The following CCNY variants were observed in gnomAD, a reference collection of about 807,000 sequenced individuals.
CCNY encodes the protein cyclin-Y.
CCNY carries 19 observed loss-of-function variants against 42.8 expected under a neutral mutation model. The observed-to-expected ratio is 0.44, with a 90% CI of 0.31 to 0.65. The LOEUF (loss-of-function observed/expected upper bound fraction) is 0.65, where lower values mean the gene tolerates loss of function less well. Among genes scored for constraint, CCNY ranks in the 30% least tolerant of loss-of-function variants. CCNY has a pLI of 0.07. For synonymous variants in CCNY, 165 were observed against 162.7 expected (o/e 1.01, Z -0.11); for missense variants, 370 against 437.3 (o/e 0.85, Z 1.37).
intron 1 of CCNY, among the ~76,000 whole-genome samples, chr10:35,359,715 C>T (rs1450467818): frequency 1.3e-5 from 2 of 152,192 alleles, no homozygotes; most frequent in Admixed American, 6.5e-5. Context: ...CACCATCCAT[C>T]TCCAGAACTA....
intron 3 of CCNY, among the ~76,000 whole-genome samples, chr10:35,296,722 C>T (rs1200638754): frequency 6.6e-6 from 1 of 152,128 alleles, no homozygotes. Context: ...GGATAAATTC[C>T]TGGACACATA....
intron 7 of CCNY, among the ~76,000 whole-genome samples, chr10:35,534,424 T>G (rs1356165843): frequency 6.6e-6 from 1 of 152,114 alleles, no homozygotes; most frequent in Non-Finnish European, 1.5e-5. Flanking sequence ...GTTCTGTCTG[T>G]AGAGCCACAG....
intron 1 of CCNY, among the ~76,000 whole-genome samples, chr10:35,439,628 C>T (rs894152297): frequency 1.8e-4 from 27 of 151,372 alleles, no homozygotes; most frequent in African/African-American, 5.8e-4. Context: ...GTAACTTGAA[C>T]ATCTCTGTCA....
intron 1 of CCNY, among the ~76,000 whole-genome samples, chr10:35,385,333 T>C (rs1477176149): frequency 6.6e-6 from 1 of 152,212 alleles, no homozygotes; most frequent in African/African-American, 2.4e-5. Flanking sequence ...TCCCTCACCG[T>C]TTGCCAGCAA....
intron 1 of CCNY, among the ~76,000 whole-genome samples, chr10:35,396,508 C>T (rs1230690362): frequency 1.3e-5 from 2 of 152,206 alleles, no homozygotes; most frequent in African/African-American, 4.8e-5. Context: ...CTCTCTGGTA[C>T]TGTTAATGGG....
chr10:35,507,630 C>T (rs1316043024), intron 3 of CCNY, among the ~76,000 whole-genome samples: 3 of 152,086 alleles, frequency 2.0e-5, no homozygotes, highest in Non-Finnish European at 4.4e-5. Context: ...TAAGTGGCTC[C>T]GTAATGTCCG....
chr10:35,480,569 A>C (rs1038755868), intron 1 of CCNY, among the ~76,000 whole-genome samples: 3 of 152,206 alleles, frequency 2.0e-5, no homozygotes, highest in African/African-American at 7.2e-5. Flanking sequence ...GGAGAGCTTC[A>C]GGGCATCTTC....
At chr10:35,520,342 T>C (rs1840522159) in intron 4 of CCNY, among the ~76,000 whole-genome samples, 1 of 152,196 alleles carries the variant, frequency 6.6e-6, no homozygotes, top group Non-Finnish European at 1.5e-5. Flanking sequence ...GCCTACATCT[T>C]GCCCTACTCC....
At chr10:35,251,895 A>G (rs758658036) in intron 3 of CCNY, among the ~76,000 whole-genome samples, 5 of 152,148 alleles carry the variant, frequency 3.3e-5, no homozygotes, top group African/African-American at 7.2e-5. Flanking sequence ...AGCCTTCAAC[A>G]CAACTTTTAA....
intron 3 of CCNY, among the ~76,000 whole-genome samples, chr10:35,278,538 G>A (rs985911374): frequency 1.3e-5 from 2 of 152,174 alleles, no homozygotes; most frequent in Admixed American, 1.3e-4. Context: ...GGAAACAGAG[G>A]TAGAGTGTTG....
intron 3 of CCNY, among the ~76,000 whole-genome samples, chr10:35,306,265 C>T (rs556342495): frequency 4.0e-4 from 61 of 152,258 alleles, no homozygotes; most frequent in African/African-American, 1.3e-3. Flanking sequence ...GAACTCCTGA[C>T]CTCAAGTGAT....
chr10:35,472,588 G>A (rs1839412212), intron 1 of CCNY, among the ~76,000 whole-genome samples: 1 of 152,166 alleles, frequency 6.6e-6, no homozygotes, highest in African/African-American at 2.4e-5. Context: ...GATGCTCAGT[G>A]ATTATTTGTT....
chr10:35,323,997 G>A (rs1835851546), intron 3 of CCNY, among the ~76,000 whole-genome samples: 1 of 150,432 alleles, frequency 6.6e-6, no homozygotes, highest in African/African-American at 2.5e-5. Flanking sequence ...TCCAGCCTGG[G>A]CTACAGTGAG....
chr10:35,251,437 T>C (rs947095018), intron 3 of CCNY, among the ~76,000 whole-genome samples: 3 of 152,210 alleles, frequency 2.0e-5, no homozygotes, highest in African/African-American at 7.2e-5. Flanking sequence ...TTGCTCATGT[T>C]AGGTTTATAG....
chr10:35,377,655 T>C (rs1223408875), intron 1 of CCNY, among the ~76,000 whole-genome samples: 1 of 152,230 alleles, frequency 6.6e-6, no homozygotes, highest in Non-Finnish European at 1.5e-5. Context: ...AACTCAATAA[T>C]GGAAATTGTA....
At chr10:35,365,803 G>GA (rs1836795943) in intron 1 of CCNY, among the ~76,000 whole-genome samples, 1 of 152,272 alleles carries the variant, frequency 6.6e-6, no homozygotes, top group Non-Finnish European at 1.5e-5. Flanking sequence ...TATGGGAACT[G>GA]AACTATTTTC....
chr10:35,336,599 T>G lies in CCNY; in HGVS notation c.-455T>G, dbSNP rs987224251. Among the ~76,000 whole-genome samples, 1 of 145,284 alleles carries G rather than the reference T, an allele frequency of 6.9e-6. No individual in the cohort carries two copies. Among genetic ancestry groups the G allele is most frequent in the African/African-American group, 2.5e-5 (1 of 40,244 alleles). On this transcript the variant is annotated 5_prime_UTR_variant, in exon 1 of 10. Transcript: ENST00000374704. The stretch of plus-strand genomic sequence containing the variant: ...GCCCGCTCGTCGGCTAGTCCCGCCG[T>G]CCGGCGCGGACACGCGTGCCCCCGG...
chr10:35,532,617 A>C (rs958534557), intron 7 of CCNY, among the ~76,000 whole-genome samples: 3 of 152,248 alleles, frequency 2.0e-5, no homozygotes, highest in Admixed American at 2.0e-4. Flanking sequence ...GGAAATTTGA[A>C]AGGGAGTGAG....
At chr10:35,515,199 G>A (rs991071818) in intron 3 of CCNY, among the ~76,000 whole-genome samples, 3 of 152,174 alleles carry the variant, frequency 2.0e-5, no homozygotes, top group Admixed American at 6.5e-5. Context: ...AGAGGCCTCA[G>A]CTTCTGAATT....
Sources: allele counts gnomAD v4.1 joint callset (sites outside exome capture counted in the v4.1 genomes callset), GRCh38; gene constraint gnomAD v4.1.1; transcripts MANE v1.5; gene names NCBI Gene and HGNC (gene_info 2026-07-23, HGNC 2026-07-21).